ATCAY: variants seen among roughly 807,000 people sequenced by gnomAD.
ATCAY encodes the protein caytaxin.
Under a neutral mutation model 47.7 loss-of-function variants are expected in ATCAY, and 22 were observed. The observed-to-expected ratio is 0.46, with a 90% CI of 0.33 to 0.66. The LOEUF (loss-of-function observed/expected upper bound fraction) is 0.66, where lower values mean the gene tolerates loss of function less well. ATCAY is among the 30% of genes least tolerant of loss of function. The probability of loss-of-function intolerance (pLI) is 0.02; values close to 1 mark genes in which losing one functional copy is unlikely to be tolerated. For missense variants in ATCAY, 452 were observed against 515.0 expected (o/e 0.88, Z 1.18); for synonymous variants, 216 against 207.6 (o/e 1.04, Z -0.35).
intron 7 of ATCAY, 44 bp downstream of exon 7, chr19:3,909,661 T>A: frequency 6.5e-7 from 1 of 1,548,884 alleles, no homozygotes. Flanking sequence ...GGCATGAAAA[T>A]CACACAGGGG....
rs922847190 is a variant in ATCAY at position 3,924,965 on chromosome 19, C to T, written c.*373C>T. On this transcript the variant is annotated 3_prime_UTR_variant, in exon 13 of 13. Coordinates refer to ENST00000450849, the MANE Select transcript of ATCAY (RefSeq NM_033064.5). ...AGAGCTGGATACAAGATTCAAGACC[C>T]TTCTCTTGCTTGTCACCCGCTCCAG... 3 of 194,180 alleles carry T rather than the reference C, an allele frequency of 1.5e-5. No individual in the cohort carries two copies. The highest frequency in any genetic ancestry group is 3.2e-5 in the Non-Finnish European group (3 of 94,176). The allele number at this position is 194,180 out of a possible 1,614,324, so 12.0% of individuals were successfully genotyped here.
At chr19:3,885,921 GTC>G in intron 2 of ATCAY, 77 bp downstream of exon 2, 4 of 1,467,802 alleles carry the variant, frequency 2.7e-6, no homozygotes, top group Non-Finnish European at 3.7e-6. Flanking sequence ...AGCGGCCCGG[GTC>G]TCTCTCTAAG....
At chr19:3,896,120 G>A (rs1310118382) in intron 2 of ATCAY, among the ~76,000 whole-genome samples, 1 of 152,116 alleles carries the variant, frequency 6.6e-6, no homozygotes, top group East Asian at 1.9e-4. Flanking sequence ...CCAAAGTGCT[G>A]TGATTACCGG....
At chr19:3,920,741 C>T in intron 11 of ATCAY, 25 bp from the exon 12 acceptor site, 1 of 1,568,248 alleles carries the variant, frequency 6.4e-7, no homozygotes, top group Non-Finnish European at 8.7e-7. Context: ...GCAAATAACG[C>T]CCAGTCTCCG....
At chr19:3,881,384 G>GGAA (rs754460212) in intron 1 of ATCAY, among the ~76,000 whole-genome samples, 1 of 130,342 alleles carries the variant, frequency 7.7e-6, no homozygotes, top group Non-Finnish European at 1.6e-5. Context: ...ACGATTTCGG[G>GGAA]AAAAAAAAAA....
At chr19:3,903,394 G>A (rs1184576124) in intron 3 of ATCAY, among the ~76,000 whole-genome samples, 5 of 152,282 alleles carry the variant, frequency 3.3e-5, no homozygotes, top group South Asian at 2.1e-4. Context: ...CGATTGCAAC[G>A]TGCCTCCGGA....
chr19:3,918,713 C>T (rs2038989366), intron 10 of ATCAY, 93 bp from the exon 11 acceptor site: 16 of 1,360,190 alleles, frequency 1.2e-5, no homozygotes, highest in Non-Finnish European at 1.6e-5. Context: ...TCCCAGGGGA[C>T]AGGAAAACCA....
chr19:3,924,770 T>A lies in ATCAY; in HGVS notation c.*178T>A, dbSNP rs922882766. 16 of 589,038 alleles carry A rather than the reference T, an allele frequency of 2.7e-5. No homozygotes were observed. In the African/African-American group the frequency reaches 6.4e-4, roughly 24 times the overall value. 36.5% of individuals were successfully genotyped at this position (589,038 alleles called of 1,614,324 possible). A position where few individuals can be genotyped will look rare whatever the true frequency, so the allele number is the denominator to read the frequency against. On this transcript the variant is annotated 3_prime_UTR_variant, in exon 13 of 13. Transcript: ENST00000450849. ...ATCCTTTTCAGCTGCTTGAAAACAT[T>A]GTATTTTTTTTTTTTAACGATGCAG...
chr19:3,894,819 C>T (rs909015470), intron 2 of ATCAY, among the ~76,000 whole-genome samples: 1 of 151,302 alleles, frequency 6.6e-6, no homozygotes, highest in African/African-American at 2.4e-5. Context: ...TGTGGTGGTG[C>T]ACACCTAGGG....
rs371484034 is a variant in ATCAY at position 3,913,751 on chromosome 19, C to A, written c.867-7C>A. ...TTCAGACCTCTCCCTCCTTCTCCCC[C>A]CGCCAGCGTCAAGTTCATCAACAAG... On this transcript the variant is annotated splice_polypyrimidine_tract_variant and splice_region_variant and intron_variant, in intron 8 of 12. Transcript: ENST00000450849. The A allele has an allele frequency of 6.2e-7, 1 of 1,613,170 alleles. No homozygotes were observed. Among genetic ancestry groups the A allele is most frequent in the Non-Finnish European group, 8.5e-7 (1 of 1,179,454 alleles).
intron 6 of ATCAY, among the ~76,000 whole-genome samples, chr19:3,909,100 G>A (rs1431699541): frequency 8.4e-6 from 1 of 119,074 alleles, no homozygotes; most frequent in Non-Finnish European, 1.7e-5. Flanking sequence ...AGCTGGGCTC[G>A]GTGGCAGGCG....
Position 3,908,343 on chromosome 19 carries a change from A to G in ATCAY, c.620A>G (p.Tyr207Cys). The part of the protein sequence containing the change: ...CFLPDSSLPD[Y>C]HYIMENLFLY... ...CTTCCAGACAGCAGCCTCCCCGACTACCACTACATCATGGAGAACCTCTTC... is the reference window on the plus strand; with the variant it reads ...CTTCCAGACAGCAGCCTCCCCGACTGCCACTACATCATGGAGAACCTCTTC... Residue 207 changes from tyrosine (Y) to cysteine (C), a missense_variant, in exon 6 of 13, where the codon TAC becomes TGC. By Grantham distance (194) the Tyr-to-Cys change is radical. Transcript: ENST00000450849. The G allele has an allele frequency of 6.3e-7, 1 of 1,593,122 alleles. No homozygotes were observed. Among genetic ancestry groups the G allele is most frequent in the Non-Finnish European group, 8.5e-7 (1 of 1,169,726 alleles).
intron 1 of ATCAY, among the ~76,000 whole-genome samples, chr19:3,885,158 C>A (rs2038638782): frequency 6.6e-6 from 1 of 151,244 alleles, no homozygotes; most frequent in Admixed American, 6.6e-5. Flanking sequence ...GTGGCTCACC[C>A]CTGTAATCCC....
intron 2 of ATCAY, among the ~76,000 whole-genome samples, chr19:3,887,509 C>G (rs1276037894): frequency 6.7e-6 from 1 of 150,248 alleles, no homozygotes; most frequent in South Asian, 2.1e-4. Context: ...ATTTTTGAGA[C>G]AGAGTGTCGC....
Position 3,894,211 on chromosome 19 carries a change from G to A in ATCAY, c.78-8276G>A, listed in dbSNP as rs1366933225. ...ATAAAAATTAGCTGGGTGGCCGGGC[G>A]CGGTGGCTCACGTCTGTAATCCCAG... On this transcript the variant is annotated intron_variant, in intron 2 of 12. Coordinates refer to ENST00000450849, the MANE Select transcript of ATCAY (RefSeq NM_033064.5). Among the ~76,000 whole-genome samples the A allele has an allele frequency of 6.6e-5, 10 of 151,840 alleles. No homozygotes were observed. The East Asian group carries it at 1.4e-3, about 21-fold the overall frequency.
At chr19:3,912,996 CAG>C (rs906682419) in intron 8 of ATCAY, among the ~76,000 whole-genome samples, 16 of 151,656 alleles carry the variant, frequency 1.1e-4, no homozygotes, top group African/African-American at 3.9e-4. Flanking sequence ...CCCTGAAAAA[CAG>C]AGAATTGGGC....
Position 3,910,903 on chromosome 19 carries a change from G to C in ATCAY, c.866+14G>C, listed in dbSNP as rs1057457018. ...CCCTTTCATCAGGTGAGACGGGGAG[G>C]CTGCAACCCAAGTCCAGTGGCCTCA... is the stretch of plus-strand genomic sequence containing the variant. On this transcript the variant is annotated intron_variant, in intron 8 of 12. Transcript: ENST00000450849. The C allele has an allele frequency of 4.3e-6, 7 of 1,613,796 alleles. No individual in the cohort carries two copies. The African/African-American group carries it at 9.3e-5, about 22-fold the overall frequency.
intron 2 of ATCAY, among the ~76,000 whole-genome samples, chr19:3,889,290 G>A (rs1293572775): frequency 1.3e-5 from 2 of 152,186 alleles, no homozygotes; most frequent in African/African-American, 4.8e-5. Flanking sequence ...GCCCATGCCT[G>A]TAATACCAGC....
At chr19:3,921,977 G>A (rs181578123) in intron 12 of ATCAY, among the ~76,000 whole-genome samples, 11 of 152,232 alleles carry the variant, frequency 7.2e-5, no homozygotes, top group African/African-American at 1.9e-4. Flanking sequence ...TCGGGTGGAA[G>A]CCTGCAAGTG....
Sources: allele counts gnomAD v4.1 joint callset (sites outside exome capture counted in the v4.1 genomes callset), GRCh38; gene constraint gnomAD v4.1.1; transcripts MANE v1.5; gene names NCBI Gene and HGNC (gene_info 2026-07-23, HGNC 2026-07-21).